MED26: variants seen among roughly 807,000 people sequenced by gnomAD.
MED26 encodes mediator of RNA polymerase II transcription subunit 26.
Under a neutral mutation model 43.7 loss-of-function variants are expected in MED26, and 7 were observed. The ratio of observed to expected loss-of-function variants is 0.16; its 90% CI spans 0.09 to 0.30. MED26 has a LOEUF of 0.30. Among genes scored for constraint, MED26 ranks in the 10% least tolerant of loss-of-function variants. The pLI is 1.00. For missense variants in MED26, 784 were observed against 840.6 expected, an observed-to-expected ratio of 0.93 and a Z score of 0.83; for synonymous variants, 375 against 371.1, an observed-to-expected ratio of 1.01 and a Z score of -0.12.
intron 1 of MED26, among the ~76,000 whole-genome samples, chr19:16,622,420 T>C (rs2086256116): frequency 6.6e-6 from 1 of 152,218 alleles, no homozygotes; most frequent in East Asian, 1.9e-4. Flanking sequence ...GACTGAAATG[T>C]AACTGCAGTG....
At chr19:16,580,352 A>G (rs2086038495) in intron 1 of MED26, among the ~76,000 whole-genome samples, 1 of 151,822 alleles carries the variant, frequency 6.6e-6, no homozygotes, top group Non-Finnish European at 1.5e-5. Flanking sequence ...TTCAGGTGTT[A>G]GCAGAGTTCA....
rs2085988537 is a variant in MED26 at position 16,575,459 on chromosome 19, G to C, written c.*568C>G. ...CAGCTGGCCCGCCTGCCCAATGCCA[G>C]TGGCTCACCACAGCTGAGAAGCTTC... On this transcript the variant is annotated 3_prime_UTR_variant, in exon 3 of 3. Coordinates refer to ENST00000263390, the MANE Select transcript of MED26 (RefSeq NM_004831.5). 6.5e-6 allele frequency: 1 copy of C among 153,194 alleles called. No homozygotes were observed. The highest frequency in any genetic ancestry group is 2.4e-5 in the African/African-American group (1 of 41,454). The allele number at this position is 153,194 out of a possible 1,614,324, so 9.5% of individuals were successfully genotyped here.
At chr19:16,627,831 C>T (rs1437873702) in intron 1 of MED26, 41 bp downstream of exon 1, 1 of 1,429,946 alleles carries the variant, frequency 7.0e-7, no homozygotes, top group Non-Finnish European at 9.3e-7. Context: ...GGGTCCCGGG[C>T]CCATGCGGCC....
chr19:16,613,096 C>T (rs1298590677), intron 1 of MED26, among the ~76,000 whole-genome samples: 2 of 152,150 alleles, frequency 1.3e-5, no homozygotes, highest in South Asian at 4.2e-4. Context: ...GACGTCCTCA[C>T]TTTATAGAGA....
At chr19:16,581,664 G>A (rs1300813370) in intron 1 of MED26, among the ~76,000 whole-genome samples, 3 of 152,250 alleles carry the variant, frequency 2.0e-5, no homozygotes, top group Non-Finnish European at 4.4e-5. Flanking sequence ...GTACTGAGCT[G>A]GTGCCCCAGA....
rs1345459631 is a variant in MED26 at position 16,586,565 on chromosome 19, C to T, written c.73-8156G>A. On this transcript the variant is annotated intron_variant, in intron 1 of 2. Transcript: ENST00000263390. The surrounding 1 kb of genome is among the most constrained non-coding windows in gnomAD (Gnocchi z 5.1). ...GGTCTCCGTGTTGTCTATGCCTTGTCCCCAGGATGCCTGAGAGGCAGGACC... is the reference window on the plus strand; with the variant it reads ...GGTCTCCGTGTTGTCTATGCCTTGTTCCCAGGATGCCTGAGAGGCAGGACC... Among the ~76,000 whole-genome samples, 1 of 152,268 alleles carries T rather than the reference C, an allele frequency of 6.6e-6. No homozygotes were observed. The highest frequency in any genetic ancestry group is 1.5e-5 in the Non-Finnish European group (1 of 68,034).
chr19:16,578,511 A>T, intron 1 of MED26, 102 bp from the exon 2 acceptor site: 1 of 1,083,750 alleles, frequency 9.2e-7, no homozygotes, highest in South Asian at 1.4e-5. Context: ...ACCCCAGAGC[A>T]AGAGGAGCCA....
chr19:16,576,061 C>T lies in MED26; in HGVS notation c.1769G>A (p.Arg590His), dbSNP rs771432171. The T allele has an allele frequency of 8.1e-6, 13 of 1,613,446 alleles. No homozygotes were observed. The highest frequency in any genetic ancestry group is 6.7e-5 in the Admixed American group (4 of 60,004). ...ISLDPHGDDGRLNILPYVCLD is the reference protein window; with the variant it reads ...ISLDPHGDDGHLNILPYVCLD ...GCAGACATAAGGCAGAATGTTCAAGCGCCCGTCGTCGCCGTGCGGATCGAG... is the reference window on the plus strand; with the variant it reads ...GCAGACATAAGGCAGAATGTTCAAGTGCCCGTCGTCGCCGTGCGGATCGAG... Residue 590 changes from arginine (R) to histidine (H), a missense_variant, in exon 3 of 3, where the codon CGC becomes CAC. Coordinates refer to ENST00000263390, the MANE Select transcript of MED26 (RefSeq NM_004831.5). This position sits in a 1 kb window ranked among gnomAD's most constrained non-coding sequence, Gnocchi z 6.8.
At chr19:16,622,305 T>C (rs1311475140) in intron 1 of MED26, among the ~76,000 whole-genome samples, 2 of 152,178 alleles carry the variant, frequency 1.3e-5, no homozygotes, top group Non-Finnish European at 2.9e-5. Flanking sequence ...ATGCTCTATC[T>C]GCCCTCCTCC....
rs1176048422 is a variant in MED26 at position 16,616,426 on chromosome 19, C to G, written c.72+11446G>C. ...ACTCTATCCAGCCAGCAACACGACA[C>G]CACCAGAAAAGTCAAACATCCCTAT... On this transcript the variant is annotated intron_variant, in intron 1 of 2. Transcript: ENST00000263390. 3.9e-5 allele frequency among the ~76,000 whole-genome samples: 6 copies of G among 152,312 alleles called. No homozygotes were observed. The East Asian group carries it at 1.2e-3, about 29-fold the overall frequency.
rs980428416 is a variant in MED26, at chr19:16,577,313, G to A, written c.517C>T (p.Leu173=). Residue 173 remains leucine (L), a synonymous_variant, in exon 3 of 3, where the codon CTG becomes TTG. Transcript: ENST00000263390. This position sits in a 1 kb window ranked among gnomAD's most constrained non-coding sequence, Gnocchi z 8.1. ...PKVSKASHDP[L]VPNSSPLPTN... ...GGGAGGGGGGATGAGTTGGGGACCAGGGGGTCGTGGCTAGCTTTGGAGACC... is the reference window on the plus strand; with the variant it reads ...GGGAGGGGGGATGAGTTGGGGACCAAGGGGTCGTGGCTAGCTTTGGAGACC... 6.2e-7 allele frequency: 1 copy of A among 1,611,864 alleles called. No homozygotes were observed. The highest frequency in any genetic ancestry group is 8.5e-7 in the Non-Finnish European group (1 of 1,178,840).
chr19:16,626,474 A>G (rs1310677231), intron 1 of MED26, among the ~76,000 whole-genome samples: 1 of 152,210 alleles, frequency 6.6e-6, no homozygotes, highest in Non-Finnish European at 1.5e-5. Flanking sequence ...TTTGTTAAAG[A>G]CAATTACCAT....
At chr19:16,616,352 C>T (rs2086226213) in intron 1 of MED26, among the ~76,000 whole-genome samples, 1 of 152,228 alleles carries the variant, frequency 6.6e-6, no homozygotes. Flanking sequence ...AAGTCCTCCA[C>T]CCAGGAGAAA....
intron 1 of MED26, among the ~76,000 whole-genome samples, chr19:16,607,130 C>T (rs2086177150): frequency 6.6e-6 from 1 of 152,004 alleles, no homozygotes; most frequent in South Asian, 2.1e-4. Context: ...TCGCTTGATG[C>T]CAGGAGTTTA....
chr19:16,598,779 T>A (rs1169173163), intron 1 of MED26, among the ~76,000 whole-genome samples: 1 of 152,144 alleles, frequency 6.6e-6, no homozygotes, highest in Non-Finnish European at 1.5e-5. Flanking sequence ...GGACCCATCA[T>A]CTGTAATAAC....
chr19:16,627,794 G>T, intron 1 of MED26, 78 bp downstream of exon 1: 1 of 1,074,612 alleles, frequency 9.3e-7, no homozygotes, highest in Non-Finnish European at 1.2e-6. Context: ...CCGAAGCCCG[G>T]TGGGCGAGGG....
In MED26 at chr19:16,585,659, T is replaced by C. The variant is rs1294742450; in HGVS notation, c.73-7250A>G. Among the ~76,000 whole-genome samples the C allele has an allele frequency of 2.0e-5, 3 of 152,228 alleles. No individual in the cohort carries two copies. The East Asian group carries it at 5.8e-4, about 29-fold the overall frequency. On this transcript the variant is annotated intron_variant, in intron 1 of 2. Coordinates refer to ENST00000263390, the MANE Select transcript of MED26 (RefSeq NM_004831.5). Reference sequence around the variant, plus strand: ...TCCCTCAAAGGCCAGCCAGCAGCACTCCTCTGTGGCCCTGTGAAACCCAGT... The same window carrying C: ...TCCCTCAAAGGCCAGCCAGCAGCACCCCTCTGTGGCCCTGTGAAACCCAGT...
In MED26 at chr19:16,587,115, C is replaced by G. The variant is rs893475732; in HGVS notation, c.73-8706G>C. 6.6e-6 allele frequency: 1 copy of G among 152,040 alleles called. No individual in the cohort carries two copies. The highest frequency in any genetic ancestry group is 2.4e-5 in the African/African-American group (1 of 41,366). 9.4% of individuals were successfully genotyped at this position (152,040 alleles called of 1,614,324 possible). On this transcript the variant is annotated intron_variant, in intron 1 of 2. Coordinates refer to ENST00000263390, the MANE Select transcript of MED26 (RefSeq NM_004831.5). This position sits in a 1 kb window ranked among gnomAD's most constrained non-coding sequence, Gnocchi z 4.9. ...TCCGCGGCTGAGTCACCTCGCCCAC[C>G]CCCCAACCCCCAACACACAGTCGTG...
At chr19:16,615,458 G>A (rs2086220998) in intron 1 of MED26, among the ~76,000 whole-genome samples, 1 of 152,262 alleles carries the variant, frequency 6.6e-6, no homozygotes, top group East Asian at 1.9e-4. Flanking sequence ...AAAAATTTGG[G>A]GCAGCCAGGC....
Sources: allele counts gnomAD v4.1 joint callset (sites outside exome capture counted in the v4.1 genomes callset), GRCh38; gene constraint gnomAD v4.1.1; non-coding constraint Gnocchi (gnomAD v3.1); transcripts MANE v1.5; gene names NCBI Gene and HGNC (gene_info 2026-07-23, HGNC 2026-07-21).